Variants in A2M observed in about 807,000 individuals in gnomAD.
The protein encoded by A2M is C3 and PZP-like alpha-2-macroglobulin domain-containing protein 5.
A2M carries 128 observed loss-of-function variants against 183.9 expected under a neutral mutation model. The observed-to-expected ratio is 0.70, with a 90% confidence interval of 0.60 to 0.81. The LOEUF is 0.81. Among genes scored for constraint, A2M ranks in the 30% least tolerant of loss-of-function variants. The pLI is 0.00. For missense variants in A2M, 1,495 were observed against 1,787.6 expected, an observed-to-expected ratio of 0.84 and a Z score of 2.95; for synonymous variants, 592 against 670.8, an observed-to-expected ratio of 0.88 and a Z score of 1.81.
Position 9,089,188 on chromosome 12 carries a change from G to T in A2M, c.2770+12C>A. ...CTTTAATGTTTTTTAAATTATGATG[G>T]TTGACTCTTACCTGATGGACAAAGT... is the stretch of plus-strand genomic sequence containing the variant. On this transcript the variant is annotated intron_variant, in intron 22 of 35. Transcript: ENST00000318602. The T allele has an allele frequency of 6.4e-7, 1 of 1,567,294 alleles. No homozygotes were observed. The highest frequency in any genetic ancestry group is 8.7e-7 in the Non-Finnish European group (1 of 1,149,248).
At position 9,106,562 on chromosome 12, in the gene A2M, A is replaced by C; in HGVS notation, c.923T>G (p.Val308Gly). The part of the protein sequence containing the change: ...GCFYQQVKTK[V>G]FQLKRKEYEM... ...ATACTCCTTCCTCTTCAGCTGGAAG[A>C]CCTTGGTTTTTACTTGCTGATAGAA... The change falls in exon 9 of 36, where the codon GTC (valine) becomes GGC (glycine). Residue 308 changes from valine to glycine, a missense_variant. Physicochemically the swap from Val to Gly is moderately radical, Grantham distance 109 (BLOSUM62 -3). Coordinates refer to ENST00000318602, the MANE Select transcript of A2M (RefSeq NM_000014.6). 1 of 1,594,166 alleles carries C rather than the reference A, an allele frequency of 6.3e-7. No individual in the cohort carries two copies.
At chr12:9,098,856 C>T in intron 14 of A2M, 100 bp from the exon 15 acceptor site, 2 of 1,333,642 alleles carry the variant, frequency 1.5e-6, no homozygotes, top group Middle Eastern at 1.8e-4. Flanking sequence ...TGTATAACCA[C>T]TCTGCTTGAC....
At chr12:9,071,191 A>G (rs1444860097) in intron 31 of A2M, among the ~76,000 whole-genome samples, 1 of 152,114 alleles carries the variant, frequency 6.6e-6, no homozygotes, top group African/African-American at 2.4e-5. Context: ...TATGCCAGTT[A>G]TTTTATTTAT....
intron 11 of A2M, 143 bp from the exon 12 acceptor site, chr12:9,101,817 C>A (rs1447543728): frequency 2.9e-6 from 2 of 690,916 alleles, no homozygotes; most frequent in Non-Finnish European, 4.8e-6. Flanking sequence ...GAGAAGGACC[C>A]CTGATTTTGT....
intron 3 of A2M, 32 bp from the exon 4 acceptor site, chr12:9,112,243 A>G (rs768724840): frequency 6.2e-7 from 1 of 1,613,560 alleles, no homozygotes; most frequent in African/African-American, 1.3e-5. Flanking sequence ...TGAGCCCCCA[A>G]ACCCAAAGTA....
intron 29 of A2M, among the ~76,000 whole-genome samples, chr12:9,074,133 GTA>G (rs2137661520): frequency 6.6e-6 from 1 of 150,556 alleles, no homozygotes; most frequent in East Asian, 1.9e-4. Context: ...CACAAAATGT[GTA>G]GTTTTGAGAA....
intron 8 of A2M, 135 bp from the exon 9 acceptor site, chr12:9,106,740 A>ATTTAGT (rs1938323448): frequency 2.3e-6 from 1 of 437,654 alleles, no homozygotes; most frequent in Admixed American, 3.9e-5. Flanking sequence ...CACAATAAAT[A>ATTTAGT]TTCTCTAGCA....
chr12:9,111,359 T>C (rs969254102), intron 4 of A2M, among the ~76,000 whole-genome samples: 3 of 152,168 alleles, frequency 2.0e-5, no homozygotes, highest in Admixed American at 6.5e-5. Flanking sequence ...CAAAGCCAAG[T>C]TAGGCTGACA....
chr12:9,109,231 A>T, intron 7 of A2M, 90 bp downstream of exon 7: 1 of 1,008,170 alleles, frequency 9.9e-7, no homozygotes, highest in South Asian at 1.5e-5. Flanking sequence ...TTGTGTTGCC[A>T]CTGCTCCCGG....
At chr12:9,093,665 AAC>A in intron 17 of A2M, 86 bp from the exon 18 acceptor site, 1 of 758,742 alleles carries the variant, frequency 1.3e-6, no homozygotes, top group Non-Finnish European at 2.0e-6. Flanking sequence ...AAAAAAAAAA[AAC>A]AAAAAACAAA....
In A2M at chr12:9,095,615, T is replaced by C. The variant is rs747333538; in HGVS notation, c.1937A>G (p.His646Arg). The C allele has an allele frequency of 9.9e-6, 16 of 1,610,792 alleles. No individual in the cohort carries two copies. The Admixed American group carries it at 1.5e-4, about 15-fold the overall frequency. Residue 646 changes from histidine (H) to arginine (R), a missense_variant, in exon 16 of 36, where the codon CAT (histidine) becomes CGT (arginine). By Grantham distance (29) the His-to-Arg change is conservative (BLOSUM62 0). Transcript: ENST00000318602. ...DQDNEDCINR[H>R]NVYINGITYT... ...TGTGATTCCATTAATATAGACATTATGACGATTGATGCAGTCTTCATTGTC... is the reference window on the plus strand; with the variant it reads ...TGTGATTCCATTAATATAGACATTACGACGATTGATGCAGTCTTCATTGTC...
intron 17 of A2M, among the ~76,000 whole-genome samples, chr12:9,094,697 G>T (rs1009081962): frequency 1.3e-5 from 2 of 152,048 alleles, no homozygotes; most frequent in African/African-American, 4.8e-5. Flanking sequence ...TTTTTTACCT[G>T]ACTGATGGAG....
chr12:9,095,307 T>A (rs1308063002), intron 16 of A2M, among the ~76,000 whole-genome samples: 1 of 152,208 alleles, frequency 6.6e-6, no homozygotes, highest in African/African-American at 2.4e-5. Flanking sequence ...TTAATAAACA[T>A]CACAGAGCAA....
At chr12:9,087,106 G>A (rs910330612) in intron 22 of A2M, among the ~76,000 whole-genome samples, 1 of 150,962 alleles carries the variant, frequency 6.6e-6, no homozygotes, top group Admixed American at 6.6e-5. Context: ...ATAAAACACT[G>A]ATGAAAGAAA....
chr12:9,077,413 ACTC>A lies in A2M; in HGVS notation c.3281_3283del (p.Gly1094del). ...GGCGGAGAGGGTCACTTCATCTTCT[ACTC>A]CTCCCTGTGAATACGAGAGAGAGAT... On this transcript the variant is annotated inframe_deletion, in exon 27 of 36. Transcript: ENST00000318602. 1 of 1,612,496 alleles carries A rather than the reference ACTC, an allele frequency of 6.2e-7. No individual in the cohort carries two copies. The highest frequency in any genetic ancestry group is 1.3e-5 in the African/African-American group (1 of 74,930).
intron 32 of A2M, 55 bp downstream of exon 32, chr12:9,070,433 G>A: frequency 8.6e-7 from 1 of 1,157,410 alleles, no homozygotes; most frequent in South Asian, 1.3e-5. Flanking sequence ...TCTTATGCTG[G>A]GGATACATAC....
chr12:9,110,421 G>T, intron 4 of A2M, 87 bp from the exon 5 acceptor site: 1 of 746,232 alleles, frequency 1.3e-6, no homozygotes, highest in Non-Finnish European at 2.1e-6. Flanking sequence ...GTATTTGCTA[G>T]CATAACAGGG....
intron 27 of A2M, 90 bp downstream of exon 27, chr12:9,077,256 G>T: frequency 1.6e-6 from 2 of 1,216,702 alleles, no homozygotes; most frequent in African/African-American, 1.5e-5. Flanking sequence ...CTGATGCTTT[G>T]CTTTTAATAG....
intron 22 of A2M, 88 bp downstream of exon 22, chr12:9,089,112 G>C (rs1949131137): frequency 9.3e-7 from 1 of 1,076,400 alleles, no homozygotes; most frequent in Non-Finnish European, 1.3e-6. Context: ...TTAGATCACA[G>C]AGAAAGTGTA....
Sources: gnomAD v4.1 joint callset for allele counts (sites outside exome capture counted in the v4.1 genomes callset) on GRCh38, gnomAD v4.1.1 for gene constraint, MANE v1.5 for transcripts, NCBI Gene and HGNC (gene_info 2026-07-23, HGNC 2026-07-21) for gene names.